Variants in THBS4 observed in about 807,000 individuals in gnomAD.
The protein encoded by THBS4 is thrombospondin-4.
THBS4 carries 90 observed loss-of-function variants against 115.7 expected under a neutral mutation model. The observed-to-expected ratio is 0.78, with a 90% CI of 0.66 to 0.93. The LOEUF is 0.93. Among genes scored for constraint, THBS4 ranks in the 40% least tolerant of loss-of-function variants. The pLI is 0.00. For synonymous variants in THBS4, 460 were observed against 479.3 expected (o/e 0.96, Z 0.53); for missense variants, 1,087 against 1,232.7 (o/e 0.88, Z 1.77).
At chr5:80,077,150 G>T in intron 16 of THBS4, 102 bp downstream of exon 16, 1 of 1,105,188 alleles carries the variant, frequency 9.0e-7, no homozygotes, top group Non-Finnish European at 1.3e-6. Context: ...AATATCCCCA[G>T]CTCCCATCAG....
intron 1 of THBS4, among the ~76,000 whole-genome samples, chr5:80,037,125 T>TTTGGCA: frequency 6.6e-6 from 1 of 152,182 alleles, no homozygotes; most frequent in African/African-American, 2.4e-5. Context: ...TTCAAATTTA[T>TTTGGCA]AGGTATAATT....
intron 3 of THBS4, among the ~76,000 whole-genome samples, chr5:80,057,912 GCTCCTGCCACAAAATAA>G (rs1285538065): frequency 1.3e-4 from 20 of 152,144 alleles, no homozygotes; most frequent in Non-Finnish European, 2.4e-4. Flanking sequence ...TTCTTAAGAG[GCTCCTGCCACAAAATAA>G]CTCCTTTACC....
chr5:80,011,640 A>G (rs1832128341), intron 2 of THBS4, among the ~76,000 whole-genome samples: 1 of 152,288 alleles, frequency 6.6e-6, no homozygotes, highest in Admixed American at 6.5e-5. Context: ...ATCCAGTAAT[A>G]TATTTTAAAT....
chr5:80,056,530 A>G (rs1435247493), intron 3 of THBS4, among the ~76,000 whole-genome samples: 2 of 152,206 alleles, frequency 1.3e-5, no homozygotes, highest in East Asian at 3.8e-4. Flanking sequence ...GCTTAGCTGC[A>G]TTTGGTCTTA....
intron 10 of THBS4, chr5:80,068,578 G>A (rs1833923538): frequency 1.2e-5 from 2 of 170,632 alleles, no homozygotes; most frequent in South Asian, 3.0e-4. Context: ...TGACGCTCCT[G>A]TTGGGGGTGG....
chr5:80,023,905 G>A (rs944145691), intron 2 of THBS4, among the ~76,000 whole-genome samples: 4 of 151,926 alleles, frequency 2.6e-5, no homozygotes, highest in African/African-American at 7.3e-5. Context: ...GTAAGAACTC[G>A]CTCACCTTTG....
intron 2 of THBS4, among the ~76,000 whole-genome samples, chr5:80,026,548 C>T (rs1832480014): frequency 6.6e-6 from 1 of 152,208 alleles, no homozygotes; most frequent in Non-Finnish European, 1.5e-5. Flanking sequence ...CACATGGGCT[C>T]TGTTACAACT....
Position 80,070,314 on chromosome 5 carries a change from C to A in THBS4, c.1356C>A (p.Val452=), listed in dbSNP as rs746855744. 1.3e-6 allele frequency: 2 copies of A among 1,584,090 alleles called. No individual in the cohort carries two copies. Among genetic ancestry groups the A allele is most frequent in the South Asian group, 1.2e-5 (1 of 84,080 alleles). Reference sequence around the variant, plus strand: ...GGGCTTTCCCTTTACAGTGTGGAGTCGGTTGGGCTGGAGATGGCTATATCT... The same window carrying A: ...GGGCTTTCCCTTTACAGTGTGGAGTAGGTTGGGCTGGAGATGGCTATATCT... ...RQGDVTCVCG[V]GWAGDGYICG... The change falls in exon 11 of 22, where the codon GTC becomes GTA. Residue 452 remains valine (V), a synonymous_variant. Coordinates refer to ENST00000350881, the MANE Select transcript of THBS4 (RefSeq NM_003248.6).
At chr5:80,014,573 T>G (rs1295215776) in intron 2 of THBS4, among the ~76,000 whole-genome samples, 1 of 152,094 alleles carries the variant, frequency 6.6e-6, no homozygotes, top group Non-Finnish European at 1.5e-5. Flanking sequence ...TAGCCAGTAG[T>G]TGGGGGAAGA....
chr5:80,060,376 C>T (rs550027405), intron 7 of THBS4, among the ~76,000 whole-genome samples: 6 of 152,288 alleles, frequency 3.9e-5, no homozygotes, highest in African/African-American at 1.2e-4. Flanking sequence ...AGTAACTAAA[C>T]GTGCCCAGGG....
At chr5:80,077,894 G>A (rs2112164473) in intron 16 of THBS4, among the ~76,000 whole-genome samples, 155 bp from the exon 17 acceptor site, 4 of 152,292 alleles carry the variant, frequency 2.6e-5, no homozygotes, top group Middle Eastern at 6.8e-3. Context: ...GCTCAGACAT[G>A]TCCCCAGGGC....
chr5:80,008,339 A>G (rs1832056565), intron 2 of THBS4, among the ~76,000 whole-genome samples: 1 of 152,196 alleles, frequency 6.6e-6, no homozygotes, highest in African/African-American at 2.4e-5. Context: ...TTAAATTTGA[A>G]TTTCATATGA....
chr5:80,010,893 G>A (rs963885359), intron 2 of THBS4, among the ~76,000 whole-genome samples: 11 of 152,198 alleles, frequency 7.2e-5, no homozygotes, highest in African/African-American at 2.7e-4. Context: ...CTCAAAGGGA[G>A]CTGTCAGCCA....
intron 2 of THBS4, among the ~76,000 whole-genome samples, chr5:80,013,580 C>T (rs1309468349): frequency 6.6e-6 from 1 of 152,088 alleles, no homozygotes; most frequent in Non-Finnish European, 1.5e-5. Context: ...TGTAGCTGGG[C>T]ATGTGTGATA....
intron 2 of THBS4, among the ~76,000 whole-genome samples, chr5:80,015,451 C>T (rs1477371968): frequency 2.6e-5 from 4 of 152,156 alleles, no homozygotes; most frequent in Non-Finnish European, 5.9e-5. Context: ...AGGGCTGAAG[C>T]CTGTCTCACC....
chr5:80,068,202 T>G, intron 10 of THBS4, 77 bp downstream of exon 10: 1 of 1,558,392 alleles, frequency 6.4e-7, no homozygotes. Flanking sequence ...TTCTATGTGC[T>G]TCAGGGTAAA....
Position 80,083,225 on chromosome 5 carries a change from C to A in THBS4, c.*84C>A. 8.4e-7 allele frequency: 1 copy of A among 1,192,562 alleles called. No individual in the cohort carries two copies. Among genetic ancestry groups the A allele is most frequent in the Non-Finnish European group, 1.2e-6 (1 of 800,628 alleles). The allele number at this position is 1,192,562 out of a possible 1,614,324, so 73.9% of individuals were successfully genotyped here. On this transcript the variant is annotated 3_prime_UTR_variant, in exon 22 of 22. Transcript: ENST00000350881. The stretch of plus-strand genomic sequence containing the variant: ...TCAATTTTCTTTAGCTTTTACCAAC[C>A]CAAATATATCAAAACGTTTTATGTG...
At chr5:80,033,793 T>G (rs1353048499), upstream of THBS4, among the ~76,000 whole-genome samples, 1 of 152,230 alleles carries the variant, frequency 6.6e-6, no homozygotes, top group Non-Finnish European at 1.5e-5. Flanking sequence ...ATATAGCATA[T>G]TGCTGCTTTT....
At chr5:80,030,597 G>A (rs969280495), upstream of THBS4, among the ~76,000 whole-genome samples, 1 of 152,136 alleles carries the variant, frequency 6.6e-6, no homozygotes, top group African/African-American at 2.4e-5. Flanking sequence ...TCGAACTCCT[G>A]ACCTTGTGAT....
Sources: allele counts gnomAD v4.1 joint callset (sites outside exome capture counted in the v4.1 genomes callset), GRCh38; gene constraint gnomAD v4.1.1; transcripts MANE v1.5; gene names NCBI Gene and HGNC (gene_info 2026-07-23, HGNC 2026-07-21).